The following SERHL2 variants were observed in gnomAD, a reference collection of about 807,000 sequenced individuals.
SERHL2 encodes serine hydrolase like 2.
In SERHL2, 29 loss-of-function variants were observed where a neutral mutation model predicts 25.5. The ratio of observed to expected loss-of-function variants is 1.14; its 90% CI spans 0.85 to 1.55. SERHL2 has a LOEUF of 1.55. Ranked by LOEUF, SERHL2 falls within the 40% of genes most tolerant of loss-of-function variation. The probability of loss-of-function intolerance (pLI) is 0.00; values close to 1 mark genes in which losing one functional copy is unlikely to be tolerated. For missense variants in SERHL2, 240 were observed against 252.3 expected (o/e 0.95, Z 0.33); for synonymous variants, 95 against 103.5 (o/e 0.92, Z 0.50).
intron 9 of SERHL2, chr22:42,569,802 AGT>A (rs1491559807): frequency 6.6e-6 from 1 of 151,172 alleles, no homozygotes; most frequent in Non-Finnish European, 1.5e-5. Flanking sequence ...GAAACAGGGC[AGT>A]GAGTTTTCAC....
chr22:42,570,227 G>T (rs529501361), intron 9 of SERHL2, among the ~76,000 whole-genome samples: 1 of 152,122 alleles, frequency 6.6e-6, no homozygotes, highest in African/African-American at 2.4e-5. Context: ...TTCAAGACCA[G>T]CCTGACCAAC....
At chr22:42,561,034 G>A (rs995611768) in intron 8 of SERHL2, among the ~76,000 whole-genome samples, 1 of 151,788 alleles carries the variant, frequency 6.6e-6, no homozygotes, top group Non-Finnish European at 1.5e-5. Flanking sequence ...CACAAATGGC[G>A]CCCCCTGGAG....
At chr22:42,554,146 T>A in intron 1 of SERHL2, 104 bp downstream of exon 1, 1 of 1,363,062 alleles carries the variant, frequency 7.3e-7, no homozygotes, top group Non-Finnish European at 1.0e-6. Flanking sequence ...CGCGTCGCCC[T>A]CCTGGGTGTC....
At chr22:42,573,765 G>A in intron 11 of SERHL2, 171 bp from the exon 12 acceptor site, 1 of 718,504 alleles carries the variant, frequency 1.4e-6, no homozygotes, top group Non-Finnish European at 2.4e-6. Context: ...CTCCTGGGGT[G>A]CTATGGACTG....
chr22:42,570,757 G>A (rs1924057643), intron 9 of SERHL2, among the ~76,000 whole-genome samples: 1 of 152,130 alleles, frequency 6.6e-6, no homozygotes, highest in South Asian at 2.1e-4. Context: ...TATGGACTGG[G>A]AAAGGGGTGT....
chr22:42,561,577 C>T (rs912671485), intron 8 of SERHL2, among the ~76,000 whole-genome samples: 2 of 151,634 alleles, frequency 1.3e-5, no homozygotes, highest in Non-Finnish European at 2.9e-5. Context: ...GCAGCCCACC[C>T]TGGTAGGCAG....
chr22:42,574,346 C>T lies in SERHL2; in HGVS notation c.*291C>T. ...GGCCCACCTAGCCTTTCCCTGCTGC[C>T]CAACTGGATGGAAAATAAAAGGTTC... On this transcript the variant is annotated 3_prime_UTR_variant, in exon 12 of 12. Transcript: ENST00000327678. The T allele has an allele frequency of 1.9e-6, 1 of 515,838 alleles. No homozygotes were observed. Among genetic ancestry groups the T allele is most frequent in the East Asian group, 3.5e-5 (1 of 28,902 alleles). 32.0% of individuals were successfully genotyped at this position (515,838 alleles called of 1,614,324 possible). A position where few individuals can be genotyped will look rare whatever the true frequency, so the allele number is the denominator to read the frequency against.
Position 42,554,006 on chromosome 22 carries a change from C to A in SERHL2, c.-15C>A. The A allele has an allele frequency of 6.2e-7, 1 of 1,613,492 alleles. No individual in the cohort carries two copies. The highest frequency in any genetic ancestry group is 8.5e-7 in the Non-Finnish European group (1 of 1,179,730). ...CGTGAGGGAGTGACAGCAGCGCATT[C>A]GCGGGACGAGAGCGATGAGTGAGAA... On this transcript the variant is annotated 5_prime_UTR_variant, in exon 1 of 12. Transcript: ENST00000327678.
intron 8 of SERHL2, among the ~76,000 whole-genome samples, chr22:42,565,607 A>G (rs903279648): frequency 1.3e-5 from 2 of 151,418 alleles, no homozygotes; most frequent in African/African-American, 4.8e-5. Flanking sequence ...TACAGGCTTG[A>G]GCCACCATGC....
rs1011294391 is a variant in SERHL2 at position 42,554,122 on chromosome 22, G to A, written c.22+80G>A. Reference sequence around the variant, plus strand: ...CAGTAGAAGAGGGCGGGATGGAGTGGAGGGTTCGCCGACCGCGTCGCCCTC... The same window carrying A: ...CAGTAGAAGAGGGCGGGATGGAGTGAAGGGTTCGCCGACCGCGTCGCCCTC... On this transcript the variant is annotated intron_variant, in intron 1 of 11. Transcript: ENST00000327678. The A allele has an allele frequency of 3.3e-5, 50 of 1,533,344 alleles. No individual in the cohort carries two copies. The African/African-American group carries it at 5.9e-4, about 18-fold the overall frequency. 95.0% of individuals were successfully genotyped at this position (1,533,344 alleles called of 1,614,324 possible).
In SERHL2 at chr22:42,571,575, G is replaced by A. The variant is rs1244150048; in HGVS notation, c.731+372G>A. On this transcript the variant is annotated intron_variant, in intron 10 of 11. Transcript: ENST00000327678. ...CGAGTAGCTGGGACTACAGGCGCCC[G>A]CCACCAGGCCTGGCTTATTTTTGTA... is the stretch of plus-strand genomic sequence containing the variant. The A allele has an allele frequency of 8.2e-5, 49 of 594,576 alleles. No homozygotes were observed. The South Asian group carries it at 1.4e-3, about 17-fold the overall frequency. 36.8% of individuals were successfully genotyped at this position (594,576 alleles called of 1,614,324 possible).
At chr22:42,562,999 G>A (rs1922872168) in intron 8 of SERHL2, among the ~76,000 whole-genome samples, 2 of 151,788 alleles carry the variant, frequency 1.3e-5, no homozygotes, top group East Asian at 1.9e-4. Flanking sequence ...TTCAAGACCA[G>A]CCTGGGCAAT....
chr22:42,554,179 C>T (rs952875533), intron 1 of SERHL2, 137 bp downstream of exon 1: 22 of 1,123,992 alleles, frequency 2.0e-5, no homozygotes, highest in African/African-American at 1.7e-4. Flanking sequence ...TCGGCAGTCC[C>T]GGGGCATGAG....
rs139986177 is a variant in SERHL2, at chr22:42,572,907, T to C, written c.825+378T>C. On this transcript the variant is annotated intron_variant, in intron 11 of 11. Coordinates refer to ENST00000327678, the MANE Select transcript of SERHL2 (RefSeq NM_014509.5). ...CTGGTCTCAAACTCCTGACCTCAGG[T>C]GATCCGCCCACCTTGGCCTCCCGAA... The C allele has an allele frequency of 8.8e-3, 1,666 of 189,780 alleles. 28 individuals carry two copies. Among genetic ancestry groups the C allele is most frequent in the African/African-American group, 0.038 (1,617 of 42,156 alleles). 11.8% of individuals were successfully genotyped at this position (189,780 alleles called of 1,614,324 possible).
At chr22:42,568,120 C>G (rs1401957180) in intron 9 of SERHL2, among the ~76,000 whole-genome samples, 1 of 151,876 alleles carries the variant, frequency 6.6e-6, no homozygotes, top group Non-Finnish European at 1.5e-5. Context: ...ACCTCCTGGG[C>G]TGAAGTGATC....
intron 7 of SERHL2, among the ~76,000 whole-genome samples, chr22:42,559,283 G>A (rs1460528790): frequency 1.4e-5 from 2 of 147,900 alleles, no homozygotes; most frequent in African/African-American, 5.1e-5. Flanking sequence ...GCACACGCCT[G>A]TGGTCCCAGC....
intron 9 of SERHL2, chr22:42,569,425 A>C (rs1242598978): frequency 6.6e-6 from 1 of 151,610 alleles, no homozygotes; most frequent in East Asian, 1.9e-4. Flanking sequence ...TGCCCAGCTA[A>C]TTTGTTGTAA....
At chr22:42,572,755 G>A in intron 11 of SERHL2, 1 of 982,884 alleles carries the variant, frequency 1.0e-6, no homozygotes, top group Non-Finnish European at 1.2e-6. Context: ...GGGAACCCCT[G>A]CCAGGTTCAA....
intron 8 of SERHL2, among the ~76,000 whole-genome samples, chr22:42,566,038 G>A (rs1015833761): frequency 6.6e-6 from 1 of 152,074 alleles, no homozygotes; most frequent in African/African-American, 2.4e-5. Flanking sequence ...ATTAGCCTAA[G>A]CTCCCGCCCT....
Sources: allele counts gnomAD v4.1 joint callset (sites outside exome capture counted in the v4.1 genomes callset), GRCh38; gene constraint gnomAD v4.1.1; transcripts MANE v1.5; gene names NCBI Gene and HGNC (gene_info 2026-07-23, HGNC 2026-07-21).